Variants in PDE1A observed in about 807,000 individuals in gnomAD.
The protein encoded by PDE1A is phosphodiesterase 1A, also known as dual specificity calcium/calmodulin-dependent 3',5'-cyclic nucleotide phosphodiesterase 1A.
Under a neutral mutation model 61.7 loss-of-function variants are expected in PDE1A, and 35 were observed. The ratio of observed to expected loss-of-function variants is 0.57; its 90% CI spans 0.43 to 0.75. The LOEUF is 0.75. Ranked by LOEUF, PDE1A falls within the 30% of genes least tolerant of loss-of-function variation. The pLI is 0.00. For missense variants in PDE1A, 597 were observed against 630.6 expected (o/e 0.95, Z 0.57); for synonymous variants, 232 against 213.2 (o/e 1.09, Z -0.77).
intron 2 of PDE1A, among the ~76,000 whole-genome samples, chr2:182,455,786 T>G (rs1191676293): frequency 1.3e-5 from 2 of 151,908 alleles, no homozygotes; most frequent in Non-Finnish European, 2.9e-5. Context: ...GGGAAAGCAT[T>G]AGGAGATATA....
At chr2:182,315,577 G>A (rs950619284) in intron 1 of PDE1A, among the ~76,000 whole-genome samples, 1 of 152,102 alleles carries the variant, frequency 6.6e-6, no homozygotes, top group Non-Finnish European at 1.5e-5. Flanking sequence ...GGAGGAGTTG[G>A]GATCATGAGG....
At chr2:182,188,426 C>T (rs929019229) in intron 11 of PDE1A, among the ~76,000 whole-genome samples, 2 of 152,146 alleles carry the variant, frequency 1.3e-5, no homozygotes, top group African/African-American at 4.8e-5. Flanking sequence ...AGCCATGCAA[C>T]ACATGTTTTA....
At chr2:182,447,688 T>C (rs968077072) in intron 2 of PDE1A, among the ~76,000 whole-genome samples, 2 of 152,088 alleles carry the variant, frequency 1.3e-5, no homozygotes, top group Admixed American at 6.6e-5. Context: ...ACCATAAATC[T>C]ATCTATACTT....
At chr2:182,627,175 T>C in the PDE1A span, among the ~76,000 whole-genome samples, 2 of 64,698 alleles carry the variant, frequency 3.1e-5, 1 homozygote, top group East Asian at 7.3e-4. Flanking sequence ...AAATAATATT[T>C]ATATATAAAA....
At chr2:182,597,842 C>A in the PDE1A span, among the ~76,000 whole-genome samples, 2 of 152,180 alleles carry the variant, frequency 1.3e-5, no homozygotes, top group South Asian at 2.1e-4. Flanking sequence ...AACATAGTTT[C>A]TTTTGCATTT....
At chr2:182,395,873 G>C (rs1021804190) in intron 1 of PDE1A, among the ~76,000 whole-genome samples, 1 of 152,180 alleles carries the variant, frequency 6.6e-6, no homozygotes, top group Non-Finnish European at 1.5e-5. Flanking sequence ...CTGTTATTAG[G>C]CTTTGGTAGA....
chr2:182,461,239 C>G (rs1243764903), intron 2 of PDE1A, among the ~76,000 whole-genome samples: 1 of 152,124 alleles, frequency 6.6e-6, no homozygotes, highest in Non-Finnish European at 1.5e-5. Context: ...AGTTCAACCA[C>G]TTCCACTCTG....
intron 2 of PDE1A, among the ~76,000 whole-genome samples, chr2:182,438,531 G>A (rs1684587970): frequency 6.6e-6 from 1 of 152,008 alleles, no homozygotes; most frequent in Non-Finnish European, 1.5e-5. Flanking sequence ...ACTCACAGAG[G>A]AAATTATGCT....
At chr2:182,338,481 T>C (rs1011218078) in intron 1 of PDE1A, among the ~76,000 whole-genome samples, 3 of 152,184 alleles carry the variant, frequency 2.0e-5, no homozygotes, top group Non-Finnish European at 4.4e-5. Context: ...ATATCAGCTA[T>C]CACTGATTCC....
intron 2 of PDE1A, among the ~76,000 whole-genome samples, chr2:182,521,553 T>TA (rs763332930): frequency 4.6e-5 from 7 of 151,698 alleles, no homozygotes; most frequent in African/African-American, 7.3e-5. Flanking sequence ...CACACACAGC[T>TA]AAAAAAAATG....
At position 182,263,239 on chromosome 2, in the gene PDE1A, G is replaced by T. The variant is rs556084241; in HGVS notation, c.167+1062C>A. ...AGGACCAAAGGGTCTGGCTAGACTG[G>T]TGGTTTTGCTGTCATCTATGTGACA... On this transcript the variant is annotated intron_variant, in intron 2 of 13. Coordinates refer to ENST00000351439, the Ensembl canonical transcript of PDE1A. 2.6e-5 allele frequency among the ~76,000 whole-genome samples: 4 copies of T among 152,216 alleles called. No homozygotes were observed. In the East Asian group the frequency reaches 7.8e-4, roughly 30 times the overall value.
intron 13 of PDE1A, among the ~76,000 whole-genome samples, chr2:182,162,521 G>A (rs1006671130): frequency 6.6e-6 from 1 of 152,152 alleles, no homozygotes; most frequent in Non-Finnish European, 1.5e-5. Context: ...CTAGACTTGA[G>A]CCAGTTTACA....
intron 1 of PDE1A, among the ~76,000 whole-genome samples, chr2:182,425,394 T>C (rs1693781868): frequency 6.6e-6 from 1 of 152,198 alleles, no homozygotes; most frequent in Non-Finnish European, 1.5e-5. Flanking sequence ...TTTTAGATTT[T>C]TGGTTATTTA....
the PDE1A span, among the ~76,000 whole-genome samples, chr2:182,561,790 T>C: frequency 6.6e-6 from 1 of 152,160 alleles, no homozygotes; most frequent in Non-Finnish European, 1.5e-5. Flanking sequence ...TAAGTTGGTT[T>C]CCTAGGTATT....
exon 8 of PDE1A, chr2:182,206,034 A>G (rs1687071573): frequency 1.2e-6 from 2 of 1,611,330 alleles, no homozygotes; most frequent in East Asian, 2.2e-5. Context: ...TCAAGGACAG[A>G]GCGATCATTA....
At chr2:182,203,691 TAAG>T (rs1462948023) in intron 8 of PDE1A, among the ~76,000 whole-genome samples, 1 of 152,012 alleles carries the variant, frequency 6.6e-6, no homozygotes, top group African/African-American at 2.4e-5. Context: ...TTAGGCAAAA[TAAG>T]AAAACATTAC....
chr2:182,375,583 T>A (rs1172849594), intron 1 of PDE1A, among the ~76,000 whole-genome samples: 1 of 152,264 alleles, frequency 6.6e-6, no homozygotes, highest in African/African-American at 2.4e-5. Flanking sequence ...TGGGCTGGCA[T>A]TGAGTGTCTG....
At chr2:182,582,968 T>C in the PDE1A span, among the ~76,000 whole-genome samples, 5 of 152,172 alleles carry the variant, frequency 3.3e-5, no homozygotes, top group African/African-American at 4.8e-5. Context: ...GGGGTTCCTT[T>C]TTGCGCTTGA....
intron 1 of PDE1A, among the ~76,000 whole-genome samples, chr2:182,309,723 G>T (rs897683908): frequency 1.3e-5 from 2 of 152,098 alleles, no homozygotes; most frequent in Non-Finnish European, 2.9e-5. Context: ...GATATATGCA[G>T]TCAGGTAAAA....
Sources: allele counts gnomAD v4.1 joint callset (sites outside exome capture counted in the v4.1 genomes callset), GRCh38; gene constraint gnomAD v4.1.1; transcripts MANE v1.5; gene names NCBI Gene and HGNC (gene_info 2026-07-23, HGNC 2026-07-21).